GRAP2: variants seen among roughly 807,000 people sequenced by gnomAD.
GRAP2 encodes the protein GRB2 related adaptor protein 2, also known as GRB2-related adapter protein 2.
In GRAP2, 31 loss-of-function variants were observed where a neutral mutation model predicts 43.5. The ratio of observed to expected loss-of-function variants is 0.71; its 90% confidence interval spans 0.54 to 0.96. GRAP2 has a LOEUF of 0.96. Among genes scored for constraint, GRAP2 ranks in the 40% least tolerant of loss-of-function variants. The pLI is 0.00. For missense variants in GRAP2, 371 were observed against 424.4 expected (o/e 0.87, Z 1.11); for synonymous variants, 156 against 164.8 (o/e 0.95, Z 0.41).
chr22:39,917,253 A>C (rs2066610350), intron 1 of GRAP2, among the ~76,000 whole-genome samples: 1 of 152,154 alleles, frequency 6.6e-6, no homozygotes, highest in African/African-American at 2.4e-5. Context: ...CCCAGTGCAA[A>C]GCTCTCTAAC....
intron 2 of GRAP2, among the ~76,000 whole-genome samples, chr22:39,953,354 C>G (rs2067010065): frequency 6.6e-6 from 1 of 152,176 alleles, no homozygotes. Context: ...AAGCCGTCAC[C>G]ACCTACTCAG....
chr22:39,928,996 A>G (rs1371617974), intron 1 of GRAP2, among the ~76,000 whole-genome samples: 2 of 152,246 alleles, frequency 1.3e-5, no homozygotes, highest in South Asian at 2.1e-4. Flanking sequence ...CATGTCATTT[A>G]GTTACAGAGA....
intron 1 of GRAP2, among the ~76,000 whole-genome samples, chr22:39,907,565 C>A (rs1177398259): frequency 1.3e-5 from 2 of 151,664 alleles, no homozygotes; most frequent in Non-Finnish European, 2.9e-5. Context: ...GGTGAGGCCC[C>A]ATCTCTACAA....
chr22:39,926,479 C>CAAAAG (rs2066699961), intron 1 of GRAP2: 2 of 320,322 alleles, frequency 6.2e-6, no homozygotes, highest in Non-Finnish European at 7.4e-6. Context: ...GTAAGCCCAA[C>CAAAAG]AAAAGAAAAA....
chr22:39,929,514 T>C (rs2066736288), intron 1 of GRAP2, among the ~76,000 whole-genome samples: 1 of 152,192 alleles, frequency 6.6e-6, no homozygotes, highest in Non-Finnish European at 1.5e-5. Flanking sequence ...CTGCCTCTCC[T>C]CACCCTCCTT....
At chr22:39,966,591 A>C (rs1443092155) in intron 5 of GRAP2, among the ~76,000 whole-genome samples, 1 of 152,160 alleles carries the variant, frequency 6.6e-6, no homozygotes, top group Admixed American at 6.5e-5. Flanking sequence ...ACAGACAGGG[A>C]CATTAGGGAA....
chr22:39,918,280 T>C (rs1402572890), intron 1 of GRAP2, among the ~76,000 whole-genome samples: 2 of 152,150 alleles, frequency 1.3e-5, no homozygotes, highest in Non-Finnish European at 2.9e-5. Context: ...TTGGCACCAA[T>C]CCCAACTGTT....
chr22:39,966,216 C>T (rs2067172220), intron 5 of GRAP2, 58 bp downstream of exon 5: 1 of 1,371,396 alleles, frequency 7.3e-7, no homozygotes, highest in Admixed American at 1.8e-5. Context: ...TGAGTTCTCA[C>T]ATGAACCACC....
chr22:39,965,041 A>T (rs2067158146), intron 4 of GRAP2, among the ~76,000 whole-genome samples: 1 of 152,234 alleles, frequency 6.6e-6, no homozygotes, highest in African/African-American at 2.4e-5. Flanking sequence ...CAGTGTCCTC[A>T]TCTGTAAAAT....
At chr22:39,969,678 C>T (rs2067218067) in intron 7 of GRAP2, 145 bp downstream of exon 7, 2 of 797,532 alleles carry the variant, frequency 2.5e-6, no homozygotes, top group Non-Finnish European at 3.8e-6. Context: ...CTTTGGGAGG[C>T]CAAGGCAGGT....
In GRAP2 at chr22:39,971,166, T is replaced by C; in HGVS notation, c.*82T>C. On this transcript the variant is annotated 3_prime_UTR_variant, in exon 8 of 8. Transcript: ENST00000344138. ...GAAAAAAGGCTGGACTCCATGACTA[T>C]ATATACATACATCTATCTACATCTG... 2 of 1,026,770 alleles carry C rather than the reference T, an allele frequency of 1.9e-6. No homozygotes were observed. Among genetic ancestry groups the C allele is most frequent in the Admixed American group, 2.2e-5 (1 of 44,860 alleles). The allele number at this position is 1,026,770 out of a possible 1,614,324, so 63.6% of individuals were successfully genotyped here.
At chr22:39,942,358 T>C (rs1198664976) in intron 1 of GRAP2, among the ~76,000 whole-genome samples, 1 of 152,186 alleles carries the variant, frequency 6.6e-6, no homozygotes, top group African/African-American at 2.4e-5. Context: ...CTGCATTGTG[T>C]GATGTTGAGT....
chr22:39,939,989 G>T (rs2145622798), intron 1 of GRAP2, among the ~76,000 whole-genome samples: 2 of 152,266 alleles, frequency 1.3e-5, no homozygotes, highest in South Asian at 4.1e-4. Flanking sequence ...TGAAGCACTG[G>T]TGGGGGGCCC....
chr22:39,943,142 C>T (rs576186746), intron 1 of GRAP2, among the ~76,000 whole-genome samples: 2 of 152,230 alleles, frequency 1.3e-5, no homozygotes, highest in South Asian at 2.1e-4. Context: ...AGTTTCTTGC[C>T]GGGTGCCATT....
intron 5 of GRAP2, among the ~76,000 whole-genome samples, chr22:39,966,996 T>TCACA (rs10552410): frequency 6.6e-6 from 1 of 150,764 alleles, no homozygotes; most frequent in Non-Finnish European, 1.5e-5. Flanking sequence ...ATGCACACAC[T>TCACA]CACACACACA....
chr22:39,950,932 C>T (rs1045805307), intron 2 of GRAP2, among the ~76,000 whole-genome samples: 2 of 152,242 alleles, frequency 1.3e-5, no homozygotes, highest in Non-Finnish European at 2.9e-5. Flanking sequence ...CCCAGCAATT[C>T]GCTTCTGGGA....
At chr22:39,896,964 C>T (rs1332054430), upstream of GRAP2, among the ~76,000 whole-genome samples, 1 of 152,170 alleles carries the variant, frequency 6.6e-6, no homozygotes, top group Admixed American at 6.5e-5. Context: ...TTGACTCATC[C>T]GTTCTCAATT....
chr22:39,898,973 C>T (rs1381298361), upstream of GRAP2, among the ~76,000 whole-genome samples: 2 of 152,194 alleles, frequency 1.3e-5, no homozygotes, highest in Non-Finnish European at 2.9e-5. Flanking sequence ...TTACTGTATC[C>T]TCCTCATCTT....
intron 2 of GRAP2, among the ~76,000 whole-genome samples, chr22:39,950,060 C>G (rs995721341): frequency 6.6e-6 from 1 of 152,150 alleles, no homozygotes; most frequent in African/African-American, 2.4e-5. Context: ...CACACCCACA[C>G]AGAGACATCT....
Sources: allele counts gnomAD v4.1 joint callset (sites outside exome capture counted in the v4.1 genomes callset), GRCh38; gene constraint gnomAD v4.1.1; transcripts MANE v1.5; gene names NCBI Gene and HGNC (gene_info 2026-07-23, HGNC 2026-07-21).